FGF13: variants seen among roughly 807,000 people sequenced by gnomAD.
FGF13 encodes the protein fibroblast growth factor 13, also known as fibroblast growth factor homologous factor 2.
A neutral mutation model predicts 19.5 loss-of-function variants in FGF13; 2 were observed. The ratio of observed to expected loss-of-function variants is 0.10; its 90% CI spans 0.04 to 0.32. The LOEUF (loss-of-function observed/expected upper bound fraction) is 0.32. Among genes scored for constraint, FGF13 ranks in the 10% least tolerant of loss-of-function variants. The pLI is 1.00. For missense variants in FGF13, 113 were observed against 192.7 expected (o/e 0.59, Z 2.45); for synonymous variants, 72 against 76.9 (o/e 0.94, Z 0.33).
intron 1 of FGF13, among the ~76,000 whole-genome samples, chrX:139,201,601 T>C (rs2084415631): frequency 8.9e-6 from 1 of 112,366 alleles, no homozygotes; most frequent in Admixed American, 9.4e-5. Flanking sequence ...CAATTAGTTT[T>C]TCAGCTTAAA....
chrX:138,871,944 T>C (rs1291219935), intron 1 of FGF13, among the ~76,000 whole-genome samples: 2 of 111,844 alleles, frequency 1.8e-5, no homozygotes. Context: ...AAGAATGATG[T>C]GAGCTGGCTT....
chrX:138,659,490 G>C (rs57660659), intron 3 of FGF13, among the ~76,000 whole-genome samples: 1,773 of 111,838 alleles, frequency 0.016, 28 homozygotes, highest in African/African-American at 0.054. Context: ...CATTGTGGAA[G>C]ACAGTGTGGC....
At chrX:139,090,773 T>C (rs2083434979) in intron 1 of FGF13, among the ~76,000 whole-genome samples, 1 of 108,976 alleles carries the variant, frequency 9.2e-6, no homozygotes, top group Non-Finnish European at 1.9e-5. Flanking sequence ...AAACCCCATC[T>C]CTACAAAAAT....
chrX:138,908,571 C>T, intron 1 of FGF13, among the ~76,000 whole-genome samples: 1 of 110,230 alleles, frequency 9.1e-6, no homozygotes, highest in Non-Finnish European at 1.9e-5. Flanking sequence ...TAAGGAAGAT[C>T]CTTCAGTTCT....
chrX:138,677,402 G>A (rs1459719515), intron 3 of FGF13, among the ~76,000 whole-genome samples: 1 of 109,744 alleles, frequency 9.1e-6, no homozygotes, highest in Non-Finnish European at 1.9e-5. Flanking sequence ...CCTACAAAAT[G>A]GGAGAAAATT....
chrX:139,121,535 C>A (rs1024776083), intron 1 of FGF13, among the ~76,000 whole-genome samples: 2 of 110,891 alleles, frequency 1.8e-5, no homozygotes, highest in Non-Finnish European at 3.8e-5. Context: ...GTAGCTGGGA[C>A]AACAGGCATG....
At chrX:139,007,136 A>G (rs2092105240) in intron 1 of FGF13, among the ~76,000 whole-genome samples, 1 of 111,946 alleles carries the variant, frequency 8.9e-6, no homozygotes. Context: ...ATAGACTGAA[A>G]ATGAAAGGAC....
At chrX:138,993,251 T>C (rs1442346454) in intron 1 of FGF13, among the ~76,000 whole-genome samples, 4 of 92,691 alleles carry the variant, frequency 4.3e-5, no homozygotes, top group East Asian at 7.1e-4. Flanking sequence ...GTGGAATAAC[T>C]GGTGAAATCT....
At chrX:138,681,660 T>C (rs913261519) in intron 3 of FGF13, among the ~76,000 whole-genome samples, 1 of 112,445 alleles carries the variant, frequency 8.9e-6, no homozygotes, top group Non-Finnish European at 1.9e-5. Context: ...CCCTTCCTGC[T>C]AAGTGTAACC....
intron 2 of FGF13, 66 bp downstream of exon 2, chrX:138,708,752 T>A (rs2090015159): frequency 2.9e-6 from 2 of 699,181 alleles, no homozygotes; most frequent in East Asian, 3.2e-5. Flanking sequence ...TATTTATTTT[T>A]AAAATAAATA....
chrX:139,081,740 CTT>C (rs1491429113), intron 1 of FGF13, among the ~76,000 whole-genome samples: 4 of 111,218 alleles, frequency 3.6e-5, no homozygotes, highest in Non-Finnish European at 5.7e-5. Flanking sequence ...CTCTCTCTCT[CTT>C]ATGTGTTGCA....
intron 1 of FGF13, among the ~76,000 whole-genome samples, chrX:138,942,528 A>G (rs1008348186): frequency 3.6e-5 from 4 of 112,001 alleles, no homozygotes; most frequent in Admixed American, 9.5e-5. Flanking sequence ...CATTTGAGCA[A>G]TAAGAGAATG....
rs1471021825 is a variant in FGF13 at position 138,629,207 on chromosome X, C to T, written c.*3643G>A. The T allele has an allele frequency of 8.9e-6, 1 of 112,293 alleles. No individual in the cohort carries two copies. Among genetic ancestry groups the T allele is most frequent in the African/African-American group, 3.2e-5 (1 of 30,901 alleles). 9.3% of individuals were successfully genotyped at this position (112,293 alleles called of 1,213,427 possible). A position where few individuals can be genotyped will look rare whatever the true frequency, so the allele number is the denominator to read the frequency against. On this transcript the variant is annotated 3_prime_UTR_variant, in exon 5 of 5. Transcript: ENST00000315930. ...AAGCTTGAGGACTACCACTCTACTG[C>T]AATGTTAATAGACGCTCCATGAAAA... is the stretch of plus-strand genomic sequence containing the variant.
intron 1 of FGF13, among the ~76,000 whole-genome samples, chrX:139,139,250 AACCCATCACTAC>A (rs1485226547): frequency 9.0e-6 from 1 of 111,649 alleles, no homozygotes; most frequent in Non-Finnish European, 1.9e-5. Context: ...AATTAATATA[AACCCATCACTAC>A]ACTGCTAAGC....
chrX:138,757,028 T>C (rs1007731258), intron 3 of FGF13, among the ~76,000 whole-genome samples: 14 of 111,403 alleles, frequency 1.3e-4, no homozygotes, highest in Non-Finnish European at 3.8e-5. Flanking sequence ...AAGGGACCTA[T>C]ACTGGAGCCA....
At position 139,062,950 on chromosome X, in the gene FGF13, G is replaced by A. The variant is rs1009535573; in HGVS notation, c.-113+140466C>T. Among the ~76,000 whole-genome samples, 16 of 112,094 alleles carry A rather than the reference G, an allele frequency of 1.4e-4. 1 individual carries two copies. Among genetic ancestry groups the A allele is most frequent in the Admixed American group, 1.4e-3 (15 of 10,562 alleles). On this transcript the variant is annotated intron_variant, in intron 1 of 2. Transcript: ENST00000421460. ...AATACTTGAAAGAGGAACTATGACT[G>A]AGGGATATTCTCTAAGTTCTTCTCA...
intron 1 of FGF13, among the ~76,000 whole-genome samples, chrX:138,900,023 TA>T: frequency 9.1e-6 from 1 of 110,215 alleles, no homozygotes; most frequent in Admixed American, 9.6e-5. Flanking sequence ...GTTTTGGAGA[TA>T]AAAAAAATGG....
At chrX:139,006,391 G>A (rs151023311) in intron 1 of FGF13, among the ~76,000 whole-genome samples, 1,624 of 111,076 alleles carry the variant, frequency 0.015, 36 homozygotes, top group African/African-American at 0.05. Flanking sequence ...AAAAGCTGTG[G>A]GTTTTCATCA....
chrX:138,645,592 G>A (rs965967446), intron 3 of FGF13, among the ~76,000 whole-genome samples: 5 of 112,038 alleles, frequency 4.5e-5, no homozygotes, highest in African/African-American at 6.5e-5. Context: ...GGAAATGCTC[G>A]ACAACTACCA....
Sources: allele counts gnomAD v4.1 joint callset (sites outside exome capture counted in the v4.1 genomes callset), GRCh38; gene constraint gnomAD v4.1.1; transcripts MANE v1.5; gene names NCBI Gene and HGNC (gene_info 2026-07-23, HGNC 2026-07-21).